Variants in CNTNAP5 observed in about 807,000 individuals in gnomAD.
CNTNAP5 encodes contactin associated protein family member 5, also known as contactin-associated protein-like 5.
In CNTNAP5, 72 loss-of-function variants were observed where a neutral mutation model predicts 150.2. The observed-to-expected ratio is 0.48, with a 90% CI of 0.40 to 0.58. CNTNAP5 has a LOEUF of 0.58. CNTNAP5 is among the 20% of genes least tolerant of loss of function. The pLI, the probability that CNTNAP5 is intolerant of heterozygous loss-of-function variation, is 0.00. For missense variants in CNTNAP5, 1,636 were observed against 1,626.2 expected, an observed-to-expected ratio of 1.01 and a Z score of -0.10; for synonymous variants, 672 against 619.8, an observed-to-expected ratio of 1.08 and a Z score of -1.25.
chr2:124,667,644 G>A (rs538841460), intron 13 of CNTNAP5, among the ~76,000 whole-genome samples: 2 of 152,194 alleles, frequency 1.3e-5, no homozygotes, highest in Admixed American at 6.5e-5. Context: ...CAATTAAGAG[G>A]ATGGAGCAAT....
At chr2:124,367,936 T>G (rs534450156) in intron 3 of CNTNAP5, among the ~76,000 whole-genome samples, 5 of 152,324 alleles carry the variant, frequency 3.3e-5, no homozygotes, top group Non-Finnish European at 7.4e-5. Context: ...AGATATTTAC[T>G]TCCCATCAAA....
At chr2:124,407,247 A>G (rs529556848) in intron 3 of CNTNAP5, among the ~76,000 whole-genome samples, 1 of 152,246 alleles carries the variant, frequency 6.6e-6, no homozygotes, top group African/African-American at 2.4e-5. Context: ...ATACACCACA[A>G]ATTTTACCTG....
At chr2:124,095,565 T>A (rs1682916201) in intron 1 of CNTNAP5, among the ~76,000 whole-genome samples, 1 of 152,152 alleles carries the variant, frequency 6.6e-6, no homozygotes, top group Admixed American at 6.5e-5. Context: ...CCCTTTCCTG[T>A]GAGCTCCTTG....
intron 18 of CNTNAP5, among the ~76,000 whole-genome samples, chr2:124,793,654 CAGTT>C (rs1349405369): frequency 6.6e-6 from 1 of 152,122 alleles, no homozygotes; most frequent in East Asian, 1.9e-4. Flanking sequence ...TTAGCTCTCA[CAGTT>C]AGGTCTTTGA....
At chr2:124,878,611 G>C (rs930782616) in intron 21 of CNTNAP5, among the ~76,000 whole-genome samples, 1 of 152,058 alleles carries the variant, frequency 6.6e-6, no homozygotes, top group Non-Finnish European at 1.5e-5. Context: ...GATAAGGCAA[G>C]GTGTTAACAT....
chr2:124,191,944 C>T (rs908889563), intron 1 of CNTNAP5, among the ~76,000 whole-genome samples: 6 of 151,652 alleles, frequency 4.0e-5, no homozygotes, highest in African/African-American at 1.5e-4. Flanking sequence ...AAATACAAAA[C>T]TCTCCCTAGC....
intron 12 of CNTNAP5, among the ~76,000 whole-genome samples, chr2:124,629,977 G>T (rs968885065): frequency 8.3e-5 from 11 of 133,160 alleles, no homozygotes; most frequent in Non-Finnish European, 1.8e-4. Context: ...GGAAGAAATG[G>T]ATAAATTCCT....
chr2:124,364,866 G>A (rs1690325554), intron 3 of CNTNAP5, among the ~76,000 whole-genome samples: 1 of 149,696 alleles, frequency 6.7e-6, no homozygotes, highest in African/African-American at 2.5e-5. Flanking sequence ...GAGCAGAGCA[G>A]TGTGCTTATC....
At chr2:124,875,345 T>G (rs1245484590) in intron 21 of CNTNAP5, among the ~76,000 whole-genome samples, 1 of 152,054 alleles carries the variant, frequency 6.6e-6, no homozygotes, top group African/African-American at 2.4e-5. Flanking sequence ...CCTTTTTGAT[T>G]TTGGACACAG....
chr2:124,770,552 T>C (rs1681167952), intron 16 of CNTNAP5, among the ~76,000 whole-genome samples: 1 of 152,176 alleles, frequency 6.6e-6, no homozygotes, highest in South Asian at 2.1e-4. Context: ...AATGTAAATG[T>C]GGGGTCCAGT....
chr2:124,363,518 C>A (rs1690276398), intron 3 of CNTNAP5, among the ~76,000 whole-genome samples: 1 of 152,168 alleles, frequency 6.6e-6, no homozygotes, highest in East Asian at 1.9e-4. Flanking sequence ...AGAAATATTA[C>A]TTTTTTCTCT....
chr2:124,190,705 A>G (rs1464928400), intron 1 of CNTNAP5, among the ~76,000 whole-genome samples: 1 of 152,204 alleles, frequency 6.6e-6, no homozygotes, highest in Non-Finnish European at 1.5e-5. Context: ...GTTATAAGAG[A>G]TGTCTATGTC....
chr2:124,824,132 G>A (rs1682545282), intron 19 of CNTNAP5, among the ~76,000 whole-genome samples: 1 of 151,830 alleles, frequency 6.6e-6, no homozygotes, highest in South Asian at 2.1e-4. Flanking sequence ...TGGCCAGGCT[G>A]GTCTTGAACT....
chr2:124,042,479 G>C (rs1322969458), intron 1 of CNTNAP5, among the ~76,000 whole-genome samples: 1 of 152,140 alleles, frequency 6.6e-6, no homozygotes, highest in Non-Finnish European at 1.5e-5. Context: ...GCTTTAGACA[G>C]ACAAGGATAA....
At chr2:124,505,045 A>C (rs2104864330) in intron 8 of CNTNAP5, among the ~76,000 whole-genome samples, 1 of 152,122 alleles carries the variant, frequency 6.6e-6, no homozygotes, top group South Asian at 2.1e-4. Flanking sequence ...ACAAAAAGTG[A>C]ATTTATAATT....
intron 13 of CNTNAP5, among the ~76,000 whole-genome samples, chr2:124,672,147 C>G (rs1678836961): frequency 6.6e-6 from 1 of 152,118 alleles, no homozygotes; most frequent in African/African-American, 2.4e-5. Context: ...CTCTTTTTGG[C>G]TTGGAGGTGG....
chr2:124,567,829 CATAGATG>C (rs965127233), intron 11 of CNTNAP5, among the ~76,000 whole-genome samples: 22 of 140,740 alleles, frequency 1.6e-4, no homozygotes, highest in South Asian at 7.1e-4. Flanking sequence ...GATATTAGGG[CATAGATG>C]ATAGATAGAT....
chr2:124,350,932 C>T (rs937642668), intron 3 of CNTNAP5, among the ~76,000 whole-genome samples: 3 of 152,056 alleles, frequency 2.0e-5, no homozygotes, highest in Non-Finnish European at 4.4e-5. Flanking sequence ...TGTGTTTCCT[C>T]AAAGAGGCTC....
intron 13 of CNTNAP5, among the ~76,000 whole-genome samples, chr2:124,707,205 A>ATGAAGAAG (rs1679708785): frequency 6.9e-6 from 1 of 145,256 alleles, no homozygotes; most frequent in East Asian, 2.1e-4. Flanking sequence ...GAAGAAGAAG[A>ATGAAGAAG]ATAAACAACT....
Sources: allele counts gnomAD v4.1 joint callset (sites outside exome capture counted in the v4.1 genomes callset), GRCh38; gene constraint gnomAD v4.1.1; transcripts MANE v1.5; gene names NCBI Gene and HGNC (gene_info 2026-07-23, HGNC 2026-07-21).